The following LRP1B variants were observed in gnomAD, a reference collection of about 807,000 sequenced individuals.
The protein encoded by LRP1B is low-density lipoprotein receptor-related protein 1B.
A neutral mutation model predicts 556.6 loss-of-function variants in LRP1B; 217 were observed. The observed-to-expected ratio is 0.39, with a 90% CI of 0.35 to 0.44. LRP1B has a LOEUF of 0.44. LRP1B is among the 20% of genes least tolerant of loss of function. The probability of loss-of-function intolerance (pLI) is 1.00; values close to 1 mark genes in which losing one functional copy is unlikely to be tolerated. For synonymous variants in LRP1B, 2,047 were observed against 1,865.8 expected, an observed-to-expected ratio of 1.10 and a Z score of -2.50; for missense variants, 5,053 against 5,620.8, an observed-to-expected ratio of 0.90 and a Z score of 3.23.
rs965248028 is a variant in LRP1B at position 141,443,138 on chromosome 2, G to T, written c.343+37258C>A. 4.6e-5 allele frequency among the ~76,000 whole-genome samples: 7 copies of T among 152,190 alleles called. No individual in the cohort carries two copies. The East Asian group carries it at 1.2e-3, about 25-fold the overall frequency. ...ATCACCATTCTAACTGGCATGAGAT[G>T]GTATCTCATTGTGGTTTTGATTTGC... On this transcript the variant is annotated intron_variant, in intron 3 of 90. Coordinates refer to ENST00000389484, the MANE Select transcript of LRP1B (RefSeq NM_018557.3).
intron 2 of LRP1B, among the ~76,000 whole-genome samples, chr2:141,597,666 T>G (rs1031449342): frequency 6.6e-6 from 1 of 152,096 alleles, no homozygotes; most frequent in African/African-American, 2.4e-5. Flanking sequence ...TTTATGAAGT[T>G]TCTTTCTGGA....
chr2:141,221,059 C>T (rs563325831), intron 6 of LRP1B, among the ~76,000 whole-genome samples: 3 of 151,958 alleles, frequency 2.0e-5, no homozygotes, highest in Non-Finnish European at 2.9e-5. Flanking sequence ...TCACACATAA[C>T]CTTAAAAGTA....
chr2:140,421,445 T>C (rs1685439083), intron 66 of LRP1B, among the ~76,000 whole-genome samples: 1 of 152,236 alleles, frequency 6.6e-6, no homozygotes, highest in South Asian at 2.1e-4. Flanking sequence ...ATTATTATAC[T>C]GAATACATTT....
rs201861570 is a variant in LRP1B at position 141,298,096 on chromosome 2, GGT to G, written c.344-43457_344-43456del. On this transcript the variant is annotated intron_variant, in intron 3 of 90. Coordinates refer to ENST00000389484, the MANE Select transcript of LRP1B (RefSeq NM_018557.3). The stretch of plus-strand genomic sequence containing the variant: ...GATGCTCCCTCAATAATTTCATAAG[GGT>G]GTATCATTTTTCTTCATTGATTTTC... Among the ~76,000 whole-genome samples, 837 of 152,182 alleles carry G rather than the reference GGT, an allele frequency of 5.5e-3. 8 individuals are homozygous for G. Among genetic ancestry groups the G allele is most frequent in the African/African-American group, 0.018 (767 of 41,552 alleles).
At chr2:141,358,150 T>A (rs1688690569) in intron 3 of LRP1B, among the ~76,000 whole-genome samples, 1 of 152,216 alleles carries the variant, frequency 6.6e-6, no homozygotes, top group African/African-American at 2.4e-5. Context: ...AATAAATTTA[T>A]CTCCTACTCC....
intron 80 of LRP1B, 114 bp from the exon 81 acceptor site, chr2:140,324,180 C>A (rs1297453171): frequency 1.0e-5 from 6 of 577,288 alleles, no homozygotes; most frequent in African/African-American, 7.5e-5. Flanking sequence ...AATAAACTTT[C>A]AGAATTGGAA....
chr2:141,400,974 A>G (rs1007934782), intron 3 of LRP1B, among the ~76,000 whole-genome samples: 4 of 152,064 alleles, frequency 2.6e-5, no homozygotes, highest in African/African-American at 9.7e-5. Context: ...CCAATACTTA[A>G]CTTTCTTTTA....
At chr2:140,453,717 A>C (rs1686972463) in intron 62 of LRP1B, among the ~76,000 whole-genome samples, 1 of 152,166 alleles carries the variant, frequency 6.6e-6, no homozygotes, top group South Asian at 2.1e-4. Flanking sequence ...ATATGAATTG[A>C]ACTTAATCTT....
intron 2 of LRP1B, among the ~76,000 whole-genome samples, chr2:141,722,788 C>T (rs1278429648): frequency 6.6e-6 from 1 of 150,938 alleles, no homozygotes; most frequent in Non-Finnish European, 1.5e-5. Flanking sequence ...ATCAATCTAT[C>T]ACCTGTACAG....
chr2:141,496,807 C>G (rs988680568), intron 2 of LRP1B, among the ~76,000 whole-genome samples: 9 of 151,632 alleles, frequency 5.9e-5, no homozygotes, highest in African/African-American at 2.2e-4. Flanking sequence ...AAAAGAAGAA[C>G]CAGATATAAA....
intron 3 of LRP1B, among the ~76,000 whole-genome samples, chr2:141,307,431 C>T (rs910976686): frequency 3.3e-5 from 5 of 151,784 alleles, no homozygotes; most frequent in African/African-American, 1.2e-4. Context: ...GCTATTCCTG[C>T]TTGGTTTTGG....
chr2:140,965,085 G>T (rs565710395), intron 18 of LRP1B, among the ~76,000 whole-genome samples: 1 of 152,154 alleles, frequency 6.6e-6, no homozygotes, highest in Admixed American at 6.5e-5. Context: ...ACGTGAACAG[G>T]TTTTAAAAAT....
chr2:140,384,989 C>T (rs1246839741), intron 67 of LRP1B, among the ~76,000 whole-genome samples: 4 of 152,156 alleles, frequency 2.6e-5, no homozygotes, highest in African/African-American at 4.8e-5. Flanking sequence ...TGGCAGCTCA[C>T]GCCTGTCATC....
In LRP1B at chr2:141,787,628, A is replaced by G. The variant is rs530483315; in HGVS notation, c.205+22651T>C. The stretch of plus-strand genomic sequence containing the variant: ...ATAGAAAAAAAAACAACTTCTTGGG[A>G]TAAAGAGAATTTTCTAACTCTTGAT... On this transcript the variant is annotated intron_variant, in intron 2 of 90. Coordinates refer to ENST00000389484, the MANE Select transcript of LRP1B (RefSeq NM_018557.3). Among the ~76,000 whole-genome samples, 79 of 152,038 alleles carry G rather than the reference A, an allele frequency of 5.2e-4. 1 individual carries two copies. The highest frequency in any genetic ancestry group is 6.9e-4 in the Non-Finnish European group (47 of 67,900).
chr2:140,656,537 C>T (rs1684885260), intron 41 of LRP1B, among the ~76,000 whole-genome samples: 1 of 152,028 alleles, frequency 6.6e-6, no homozygotes, highest in African/African-American at 2.4e-5. Context: ...CAGATATGAC[C>T]TGATACAGAA....
At chr2:141,293,405 T>C (rs1283076609) in intron 3 of LRP1B, among the ~76,000 whole-genome samples, 1 of 152,208 alleles carries the variant, frequency 6.6e-6, no homozygotes, top group Non-Finnish European at 1.5e-5. Context: ...AGAGTCTGAA[T>C]GCTATGAACA....
chr2:140,655,929 T>G (rs1684865217), intron 41 of LRP1B, among the ~76,000 whole-genome samples: 1 of 135,938 alleles, frequency 7.4e-6, no homozygotes, highest in African/African-American at 2.8e-5. Flanking sequence ...GGAGACAGGG[T>G]GAGACTCCGT....
chr2:141,914,751 C>T (rs963889072), intron 1 of LRP1B, among the ~76,000 whole-genome samples: 1 of 152,028 alleles, frequency 6.6e-6, no homozygotes, highest in African/African-American at 2.4e-5. Flanking sequence ...AATACATTCT[C>T]CCCCATCTCC....
intron 3 of LRP1B, among the ~76,000 whole-genome samples, chr2:141,350,569 G>T (rs1281262422): frequency 6.6e-6 from 1 of 151,844 alleles, no homozygotes; most frequent in Admixed American, 6.6e-5. Context: ...AGAAATCAGA[G>T]AAAAAATCAT....
Sources: gnomAD v4.1 joint callset for allele counts (sites outside exome capture counted in the v4.1 genomes callset) on GRCh38, gnomAD v4.1.1 for gene constraint, MANE v1.5 for transcripts, NCBI Gene and HGNC (gene_info 2026-07-23, HGNC 2026-07-21) for gene names.